CDK14: variants seen among roughly 807,000 people sequenced by gnomAD.
The protein encoded by CDK14 is cyclin-dependent kinase 14.
Under a neutral mutation model 60.7 loss-of-function variants are expected in CDK14, and 34 were observed. The observed-to-expected ratio is 0.56, with a 90% confidence interval of 0.43 to 0.75. The LOEUF is 0.75. Ranked by LOEUF, CDK14 falls within the 30% of genes least tolerant of loss-of-function variation. CDK14 has a pLI of 0.00. For missense variants in CDK14, 482 were observed against 564.1 expected, an observed-to-expected ratio of 0.85 and a Z score of 1.47; for synonymous variants, 197 against 203.7, an observed-to-expected ratio of 0.97 and a Z score of 0.28.
At chr7:91,024,681 G>A (rs570227732) in intron 10 of CDK14, among the ~76,000 whole-genome samples, 14 of 152,290 alleles carry the variant, frequency 9.2e-5, no homozygotes, top group Middle Eastern at 6.8e-3. Flanking sequence ...GTTGGGACTT[G>A]AATGCAGATA....
intron 5 of CDK14, among the ~76,000 whole-genome samples, chr7:90,841,046 A>C (rs928364210): frequency 2.3e-4 from 35 of 152,202 alleles, no homozygotes; most frequent in Non-Finnish European, 7.4e-5. Context: ...CTGGTTTTCT[A>C]TAGCTAGAAT....
chr7:90,644,059 G>A (rs551887368), intron 2 of CDK14, among the ~76,000 whole-genome samples: 230 of 152,242 alleles, frequency 1.5e-3, no homozygotes, highest in African/African-American at 5.2e-3. Context: ...TTGGGTTAAT[G>A]TCCTTATGTT....
rs115327228 is a variant in CDK14 at position 90,995,459 on chromosome 7, G to A, written c.1041+11218G>A. On this transcript the variant is annotated intron_variant, in intron 10 of 14. Transcript: ENST00000380050. ...TTGGAATTCCTGACCAAAGAAAACT[G>A]TAAGATAATAAGTGTTTGTTACTTA... Among the ~76,000 whole-genome samples, 474 of 152,290 alleles carry A rather than the reference G, an allele frequency of 3.1e-3. 5 individuals are homozygous for A. The highest frequency in any genetic ancestry group is 0.011 in the African/African-American group (457 of 41,558).
intron 10 of CDK14, among the ~76,000 whole-genome samples, chr7:91,007,998 T>C (rs1457589757): frequency 6.6e-6 from 1 of 151,914 alleles, no homozygotes; most frequent in Non-Finnish European, 1.5e-5. Flanking sequence ...CAGTGAGGGA[T>C]GGTGCTGACC....
intron 8 of CDK14, among the ~76,000 whole-genome samples, chr7:90,940,946 A>T (rs1200033582): frequency 6.6e-6 from 1 of 152,220 alleles, no homozygotes; most frequent in Non-Finnish European, 1.5e-5. Context: ...TTCCAAGTTC[A>T]GTTCAACCAG....
chr7:90,850,788 T>C (rs1488683981), intron 5 of CDK14, among the ~76,000 whole-genome samples: 1 of 152,142 alleles, frequency 6.6e-6, no homozygotes, highest in African/African-American at 2.4e-5. Flanking sequence ...GTTGAGAGGT[T>C]TTAAGAAGAG....
chr7:91,082,337 A>G (rs1798505854), intron 12 of CDK14, among the ~76,000 whole-genome samples: 1 of 152,230 alleles, frequency 6.6e-6, no homozygotes, highest in South Asian at 2.1e-4. Flanking sequence ...TAAGTCACAG[A>G]AGACAGATCT....
At position 90,845,187 on chromosome 7, in the gene CDK14, A is replaced by G. The variant is rs190782420; in HGVS notation, c.545-17988A>G. ...GCCTTGCACAGAGTAGTCACTCAGT[A>G]AACATTTATTGAATGAATGAATGAG... On this transcript the variant is annotated intron_variant, in intron 5 of 14. Coordinates refer to ENST00000380050, the MANE Select transcript of CDK14 (RefSeq NM_001287135.2). 1.6e-3 allele frequency among the ~76,000 whole-genome samples: 237 copies of G among 152,260 alleles called. 1 individual carries two copies. The highest frequency in any genetic ancestry group is 5.4e-3 in the African/African-American group (226 of 41,570).
rs896917240 is a variant in CDK14 at position 90,899,497 on chromosome 7, G to T, written c.702+144G>T. 5.2e-5 allele frequency: 25 copies of T among 483,232 alleles called. No individual in the cohort carries two copies. In the South Asian group the frequency reaches 1.2e-3, roughly 23 times the overall value. 29.9% of individuals were successfully genotyped at this position (483,232 alleles called of 1,614,324 possible). A position where few individuals can be genotyped will look rare whatever the true frequency, so the allele number is the denominator to read the frequency against. On this transcript the variant is annotated intron_variant, in intron 7 of 14. Transcript: ENST00000380050. ...GGGATATTGAGGTGAACCAGTCATT[G>T]CTTCAGTTGAGTTGTTGGAAACCAT...
intron 2 of CDK14, among the ~76,000 whole-genome samples, chr7:90,704,750 G>C (rs1389405396): frequency 6.6e-6 from 1 of 152,064 alleles, no homozygotes; most frequent in African/African-American, 2.4e-5. Flanking sequence ...GGATAGGTTT[G>C]GTATTGTGGT....
intron 14 of CDK14, among the ~76,000 whole-genome samples, chr7:91,171,135 G>A (rs1475677886): frequency 6.6e-6 from 1 of 152,010 alleles, no homozygotes; most frequent in Non-Finnish European, 1.5e-5. Flanking sequence ...AGATCACAAG[G>A]TCAGAAGATT....
At chr7:90,703,436 C>T (rs754298914) in intron 2 of CDK14, among the ~76,000 whole-genome samples, 8 of 152,072 alleles carry the variant, frequency 5.3e-5, no homozygotes, top group Admixed American at 2.6e-4. Context: ...AAAACTGTGC[C>T]GTGCCCATGT....
chr7:91,107,286 A>C (rs1799332129), intron 12 of CDK14: 1 of 152,244 alleles, frequency 6.6e-6, no homozygotes, highest in African/African-American at 2.4e-5. Context: ...ATTTTTAAAT[A>C]ACCCTATTGA....
intron 11 of CDK14, among the ~76,000 whole-genome samples, chr7:91,074,984 T>C (rs1182376439): frequency 6.6e-6 from 1 of 152,138 alleles, no homozygotes; most frequent in South Asian, 2.1e-4. Context: ...AGTTCTGAAA[T>C]TGGGGCAGTA....
At chr7:91,025,058 G>A (rs545395016) in intron 10 of CDK14, among the ~76,000 whole-genome samples, 1 of 152,244 alleles carries the variant, frequency 6.6e-6, no homozygotes, top group African/African-American at 2.4e-5. Flanking sequence ...CAACTGCTTT[G>A]AGACACAGGC....
intron 2 of CDK14, among the ~76,000 whole-genome samples, chr7:90,616,405 T>G (rs951721407): frequency 3.3e-5 from 5 of 152,230 alleles, no homozygotes; most frequent in Non-Finnish European, 7.3e-5. Context: ...TCTTCAGCTA[T>G]ATAGCTCTCT....
intron 4 of CDK14, among the ~76,000 whole-genome samples, chr7:90,783,874 C>T (rs565301536): frequency 9.2e-5 from 14 of 152,004 alleles, no homozygotes; most frequent in East Asian, 5.8e-4. Flanking sequence ...TGTGGAGGAG[C>T]GTCAAAAAAC....
rs1345099929 is a variant in CDK14, at chr7:91,069,717, G to A, written c.1106-9715G>A. On this transcript the variant is annotated intron_variant, in intron 11 of 14. Coordinates refer to ENST00000380050, the MANE Select transcript of CDK14 (RefSeq NM_001287135.2). Reference sequence around the variant, plus strand: ...GCTGTCTAAATAGAAAGACACAAACGTTTTACATCATCCTTTTCAGGTTAA... The same window carrying A: ...GCTGTCTAAATAGAAAGACACAAACATTTTACATCATCCTTTTCAGGTTAA... Among the ~76,000 whole-genome samples the A allele has an allele frequency of 2.0e-5, 3 of 152,174 alleles. No homozygotes were observed. The East Asian group carries it at 5.8e-4, about 29-fold the overall frequency.
chr7:90,675,250 A>AT (rs145698604), intron 2 of CDK14, among the ~76,000 whole-genome samples: 3,762 of 151,842 alleles, frequency 0.025, 60 homozygotes, highest in South Asian at 0.058. Context: ...CTGCATGTCT[A>AT]TTTTTGTGCC....
Sources: allele counts gnomAD v4.1 joint callset (sites outside exome capture counted in the v4.1 genomes callset), GRCh38; gene constraint gnomAD v4.1.1; transcripts MANE v1.5; gene names NCBI Gene and HGNC (gene_info 2026-07-23, HGNC 2026-07-21).